The following ASNS variants were observed in gnomAD, a reference collection of about 807,000 sequenced individuals.
The protein encoded by ASNS is asparagine synthetase (glutamine-hydrolyzing), also known as asparagine synthetase [glutamine-hydrolyzing].
ASNS carries 37 observed loss-of-function variants against 62.6 expected under a neutral mutation model. The observed-to-expected ratio is 0.59, with a 90% CI of 0.45 to 0.78. The LOEUF is 0.78. Among genes scored for constraint, ASNS ranks in the 30% least tolerant of loss-of-function variants. The pLI is 0.00. For synonymous variants in ASNS, 207 were observed against 237.9 expected (o/e 0.87, Z 1.19); for missense variants, 520 against 682.4 (o/e 0.76, Z 2.65).
the ASNS span, among the ~76,000 whole-genome samples, chr7:97,917,389 G>A: frequency 1.3e-4 from 20 of 152,184 alleles, no homozygotes; most frequent in Non-Finnish European, 2.4e-4. Flanking sequence ...ACAGAGTCAA[G>A]GGCTGTGATG....
chr7:97,854,519 G>A, intron 10 of ASNS, 61 bp downstream of exon 10: 2 of 1,574,794 alleles, frequency 1.3e-6, no homozygotes, highest in Non-Finnish European at 1.7e-6. Flanking sequence ...TGAGCTTTTT[G>A]TTTTGTTTTG....
chr7:97,866,511 C>T (rs1017482227), intron 3 of ASNS, among the ~76,000 whole-genome samples: 4 of 152,200 alleles, frequency 2.6e-5, no homozygotes, highest in Non-Finnish European at 5.9e-5. Context: ...CCACCATCAA[C>T]GGCAAACTAT....
chr7:97,888,772 C>T, the ASNS span, among the ~76,000 whole-genome samples: 4 of 152,308 alleles, frequency 2.6e-5, no homozygotes, highest in Admixed American at 2.0e-4. Flanking sequence ...AGGACATACA[C>T]TCAGGTTTTC....
In ASNS at chr7:97,852,132, G is replaced by T; in HGVS notation, c.*127C>A. On this transcript the variant is annotated 3_prime_UTR_variant, in exon 13 of 13. Coordinates refer to ENST00000394308, the MANE Select transcript of ASNS (RefSeq NM_001673.5). ...CATAAATGACTACAGCAATGGTTTA[G>T]ATTTAGGACTTTTATTTTTTTCACA... 9.8e-7 allele frequency: 1 copy of T among 1,022,498 alleles called. No individual in the cohort carries two copies. The highest frequency in any genetic ancestry group is 1.4e-6 in the Non-Finnish European group (1 of 696,698). 63.3% of individuals were successfully genotyped at this position (1,022,498 alleles called of 1,614,324 possible). A position where few individuals can be genotyped will look rare whatever the true frequency, so the allele number is the denominator to read the frequency against.
At chr7:97,859,496 T>C in intron 4 of ASNS, 98 bp from the exon 5 acceptor site, 1 of 1,334,514 alleles carries the variant, frequency 7.5e-7, no homozygotes. Context: ...TTTCCCTTTT[T>C]AATACAAACA....
At chr7:97,865,572 C>G (rs1020016508) in intron 3 of ASNS, among the ~76,000 whole-genome samples, 2 of 152,170 alleles carry the variant, frequency 1.3e-5, no homozygotes, top group Non-Finnish European at 2.9e-5. Context: ...ATATCTCTAT[C>G]ACACATTTTC....
chr7:97,865,833 C>T (rs1295836100), intron 3 of ASNS, among the ~76,000 whole-genome samples: 2 of 152,146 alleles, frequency 1.3e-5, no homozygotes, highest in East Asian at 1.9e-4. Context: ...CATTCTATTA[C>T]CCTTTGTGGG....
Position 97,853,359 on chromosome 7 carries a change from A to C in ASNS, c.1266T>G (p.Asp422Glu). The C allele has an allele frequency of 6.2e-7, 1 of 1,612,916 alleles. No homozygotes were observed. The highest frequency in any genetic ancestry group is 8.5e-7 in the Non-Finnish European group (1 of 1,179,906). ...ACAAGTAATAGGAAGAAAATCGATG[A>C]TCTAGAAATGGGACTCTCAGTTCAA... ...HGLELRVPFL[D>E]HRFSSYYLSL... Residue 422 changes from aspartate to glutamate, a missense_variant, in exon 11 of 13, where the codon GAT (aspartate) becomes GAG (glutamate). Coordinates refer to ENST00000394308, the MANE Select transcript of ASNS (RefSeq NM_001673.5).
chr7:97,871,198 G>T (rs1055175127), intron 1 of ASNS, among the ~76,000 whole-genome samples: 3 of 152,138 alleles, frequency 2.0e-5, no homozygotes, highest in Non-Finnish European at 2.9e-5. Flanking sequence ...ATATTATCGA[G>T]CAGATATTTT....
intron 3 of ASNS, among the ~76,000 whole-genome samples, chr7:97,866,562 T>G (rs925962885): frequency 2.0e-5 from 3 of 152,244 alleles, no homozygotes. Flanking sequence ...AAGTCCTTGA[T>G]GTATTCCTCT....
At chr7:97,854,797 G>A (rs1258439024) in intron 9 of ASNS, 117 bp from the exon 10 acceptor site, 14 of 1,544,742 alleles carry the variant, frequency 9.1e-6, no homozygotes, top group Non-Finnish European at 1.1e-5. Context: ...TTTAGGGAAG[G>A]GAGTAAATAA....
the ASNS span, among the ~76,000 whole-genome samples, chr7:97,896,741 C>CACACACATATATATATAT: frequency 2.5e-4 from 5 of 19,776 alleles, no homozygotes; most frequent in South Asian, 3.8e-3. Flanking sequence ...CACACACACA[C>CACACACATATATATATAT]ATATATATAT....
At chr7:97,886,769 A>T in the ASNS span, among the ~76,000 whole-genome samples, 2 of 152,240 alleles carry the variant, frequency 1.3e-5, no homozygotes, top group African/African-American at 4.8e-5. Flanking sequence ...CCAACCTGAC[A>T]CAAAGACCTT....
Sources: allele counts gnomAD v4.1 joint callset (sites outside exome capture counted in the v4.1 genomes callset), GRCh38; gene constraint gnomAD v4.1.1; transcripts MANE v1.5; gene names NCBI Gene and HGNC (gene_info 2026-07-23, HGNC 2026-07-21).